Variants in MUSK observed in about 807,000 individuals in gnomAD.
MUSK encodes muscle associated receptor tyrosine kinase.
In MUSK, 55 loss-of-function variants were observed where a neutral mutation model predicts 88.7. The observed-to-expected ratio is 0.62, with a 90% CI of 0.50 to 0.78. The LOEUF (loss-of-function observed/expected upper bound fraction) is 0.78. Among genes scored for constraint, MUSK ranks in the 30% least tolerant of loss-of-function variants. MUSK has a pLI of 0.00. For missense variants in MUSK, 1,015 were observed against 1,074.3 expected, an observed-to-expected ratio of 0.94 and a Z score of 0.77; for synonymous variants, 387 against 391.9, an observed-to-expected ratio of 0.99 and a Z score of 0.15.
At chr9:110,737,496 T>G (rs2077045067) in intron 6 of MUSK, among the ~76,000 whole-genome samples, 1 of 152,080 alleles carries the variant, frequency 6.6e-6, no homozygotes, top group Admixed American at 6.6e-5. Context: ...TTGTTTCAAT[T>G]TTCTGTATTT....
chr9:110,724,388 G>C (rs1348800276), intron 5 of MUSK, among the ~76,000 whole-genome samples: 2 of 151,762 alleles, frequency 1.3e-5, no homozygotes, highest in Non-Finnish European at 2.9e-5. Context: ...GTAATTTTGG[G>C]GGTTGCCCTC....
At chr9:110,748,032 C>T (rs764044723) in intron 7 of MUSK, 2 of 669,894 alleles carry the variant, frequency 3.0e-6, no homozygotes, top group South Asian at 3.0e-5. Context: ...TAGGTAACAG[C>T]TTCCAGGAAC....
intron 1 of MUSK, among the ~76,000 whole-genome samples, 187 bp downstream of exon 1, chr9:110,669,170 AT>A: frequency 6.6e-6 from 1 of 152,306 alleles, no homozygotes; most frequent in East Asian, 1.9e-4. Context: ...CTCTACCAAT[AT>A]TTTACTCCGA....
At position 110,803,000 on chromosome 9, in the gene MUSK, G is replaced by C. The variant is rs1228359209; in HGVS notation, c.*2012G>C. ...AGATGCCAACAAAGCAGAAAAGTTG[G>C]AGAGGGCCACCAGCAAGTCTAGAAC... On this transcript the variant is annotated 3_prime_UTR_variant, in exon 15 of 15. Coordinates refer to ENST00000374448, the MANE Select transcript of MUSK (RefSeq NM_005592.4). 6.6e-6 allele frequency among the ~76,000 whole-genome samples: 1 copy of C among 152,204 alleles called. No homozygotes were observed. Among genetic ancestry groups the C allele is most frequent in the African/African-American group, 2.4e-5 (1 of 41,448 alleles).
At chr9:110,770,235 C>T (rs1412683378) in intron 9 of MUSK, among the ~76,000 whole-genome samples, 2 of 148,480 alleles carry the variant, frequency 1.3e-5, no homozygotes, top group Non-Finnish European at 3.0e-5. Flanking sequence ...TACATGTTGA[C>T]ATTGGCAAAA....
At chr9:110,670,753 A>G (rs1007853241) in intron 1 of MUSK, among the ~76,000 whole-genome samples, 5 of 152,124 alleles carry the variant, frequency 3.3e-5, no homozygotes, top group African/African-American at 9.7e-5. Context: ...AATTTAAGCA[A>G]TTTTTTCTCA....
intron 5 of MUSK, among the ~76,000 whole-genome samples, chr9:110,722,251 C>T (rs553748766): frequency 2.0e-5 from 3 of 152,120 alleles, no homozygotes; most frequent in South Asian, 2.1e-4. Context: ...GGGACTTGGC[C>T]GGGTGCATTG....
At chr9:110,789,142 G>C (rs138851017) in intron 14 of MUSK, among the ~76,000 whole-genome samples, 1 of 152,194 alleles carries the variant, frequency 6.6e-6, no homozygotes, top group Non-Finnish European at 1.5e-5. Flanking sequence ...CATTTTTTCA[G>C]ATCTTCTCTG....
At chr9:110,682,115 C>A (rs2076142842) in intron 1 of MUSK, among the ~76,000 whole-genome samples, 1 of 152,018 alleles carries the variant, frequency 6.6e-6, no homozygotes, top group African/African-American at 2.4e-5. Flanking sequence ...GTTGTATGCC[C>A]AAGTGAATTC....
chr9:110,763,889 C>G (rs936003696), intron 8 of MUSK, among the ~76,000 whole-genome samples: 16 of 152,032 alleles, frequency 1.1e-4, no homozygotes, highest in African/African-American at 3.6e-4. Context: ...GTGATTCATG[C>G]GTTTCAAAGT....
At chr9:110,676,364 T>TATATATATATATA (rs777356764) in intron 1 of MUSK, among the ~76,000 whole-genome samples, 3 of 124,358 alleles carry the variant, frequency 2.4e-5, no homozygotes, top group African/African-American at 8.2e-5. Context: ...TATTATATAT[T>TATATATATATATA]ATATATGTGT....
intron 6 of MUSK, among the ~76,000 whole-genome samples, chr9:110,744,940 T>A (rs2077154604): frequency 6.6e-6 from 1 of 152,168 alleles, no homozygotes; most frequent in South Asian, 2.1e-4. Context: ...CGAAAAAATA[T>A]CAAAATGGAG....
intron 5 of MUSK, among the ~76,000 whole-genome samples, chr9:110,730,007 A>G (rs906078570): frequency 2.6e-5 from 4 of 152,176 alleles, no homozygotes; most frequent in South Asian, 2.1e-4. Flanking sequence ...TACATATCTG[A>G]AAGTGCTTTG....
intron 1 of MUSK, among the ~76,000 whole-genome samples, chr9:110,673,182 A>G (rs1211670979): frequency 1.3e-5 from 2 of 152,190 alleles, no homozygotes; most frequent in Non-Finnish European, 2.9e-5. Flanking sequence ...TTCTGTGTGT[A>G]GAAACTGATA....
At chr9:110,734,113 T>C (rs2076998989) in intron 5 of MUSK, 138 bp from the exon 6 acceptor site, 2 of 911,164 alleles carry the variant, frequency 2.2e-6, no homozygotes, top group Admixed American at 2.7e-5. Flanking sequence ...CCATGGCATG[T>C]GGTATTATCC....
At chr9:110,764,298 C>T (rs2077442420) in intron 8 of MUSK, among the ~76,000 whole-genome samples, 1 of 152,116 alleles carries the variant, frequency 6.6e-6, no homozygotes, top group Non-Finnish European at 1.5e-5. Flanking sequence ...ATGGAGGGGT[C>T]TTGTCACTTA....
chr9:110,756,882 G>A (rs944924395), intron 7 of MUSK, among the ~76,000 whole-genome samples: 22 of 151,992 alleles, frequency 1.4e-4, no homozygotes, highest in Middle Eastern at 3.4e-3. Flanking sequence ...TATTTCCTAC[G>A]TGTGTGTGTC....
chr9:110,690,632 A>G (rs1271426460), intron 3 of MUSK, among the ~76,000 whole-genome samples: 1 of 10,218 alleles, frequency 9.8e-5, no homozygotes, highest in East Asian at 3.0e-3. Flanking sequence ...AAGTATATAT[A>G]TAAATATATA....
intron 3 of MUSK, among the ~76,000 whole-genome samples, chr9:110,693,748 G>A (rs937108720): frequency 6.6e-6 from 1 of 152,132 alleles, no homozygotes; most frequent in Admixed American, 6.5e-5. Context: ...TTTAAGCAAA[G>A]GTCTTTACCT....
Sources: allele counts gnomAD v4.1 joint callset (sites outside exome capture counted in the v4.1 genomes callset), GRCh38; gene constraint gnomAD v4.1.1; transcripts MANE v1.5; gene names NCBI Gene and HGNC (gene_info 2026-07-23, HGNC 2026-07-21).